Variants in LRRC53 observed in about 807,000 individuals in gnomAD.
LRRC53 encodes leucine rich repeat containing 53, also known as leucine-rich repeat-containing protein 53.
Under a neutral mutation model 13.6 loss-of-function variants are expected in LRRC53, and 25 were observed. The observed-to-expected ratio is 1.83, with a 90% CI of 1.34 to 2.56. LRRC53 has a LOEUF of 2.56. LRRC53 is among the 30% of genes most tolerant of loss of function. LRRC53 has a pLI of 0.00. For missense variants in LRRC53, 527 were observed against 275.8 expected (o/e 1.91, Z -6.45); for synonymous variants, 204 against 109.8 (o/e 1.86, Z -5.37).
At chr1:74,513,009 A>G (rs1359199238), upstream of LRRC53, among the ~76,000 whole-genome samples, 1 of 152,142 alleles carries the variant, frequency 6.6e-6, no homozygotes, top group Non-Finnish European at 1.5e-5. Context: ...TTGATAAGAC[A>G]CTTAAAGAGG....
chr1:74,518,636 C>T, the LRRC53 span, among the ~76,000 whole-genome samples: 13 of 152,116 alleles, frequency 8.5e-5, no homozygotes, highest in African/African-American at 3.1e-4. Context: ...ACTGTCAGTG[C>T]AGAGGCTTCA....
At chr1:74,508,882 CT>C (rs1302373042) in intron 1 of LRRC53, among the ~76,000 whole-genome samples, 1 of 152,118 alleles carries the variant, frequency 6.6e-6, no homozygotes, top group Non-Finnish European at 1.5e-5. Context: ...ATAATATTAC[CT>C]TGTCTGGTTT....
intron 3 of LRRC53, among the ~76,000 whole-genome samples, chr1:74,478,950 A>G (rs1668341797): frequency 6.6e-6 from 1 of 152,206 alleles, no homozygotes; most frequent in East Asian, 1.9e-4. Flanking sequence ...ATTTCCTTCC[A>G]AGTGAGTTGG....
intron 4 of LRRC53, among the ~76,000 whole-genome samples, chr1:74,473,686 A>T (rs1192975269): frequency 6.6e-6 from 1 of 152,042 alleles, no homozygotes; most frequent in Non-Finnish European, 1.5e-5. Context: ...ATCTAATTCC[A>T]ATCTAAGATC....
the LRRC53 span, among the ~76,000 whole-genome samples, chr1:74,522,234 AAGAG>A: frequency 1.3e-5 from 2 of 152,202 alleles, no homozygotes; most frequent in Non-Finnish European, 2.9e-5. Flanking sequence ...AGGGGCTTCA[AAGAG>A]AGACATTTAG....
At chr1:74,478,125 A>C (rs1203871947) in intron 3 of LRRC53, among the ~76,000 whole-genome samples, 1 of 152,206 alleles carries the variant, frequency 6.6e-6, no homozygotes, top group African/African-American at 2.4e-5. Context: ...TTTTCCCACA[A>C]TCTAGAAGTA....
intron 3 of LRRC53, among the ~76,000 whole-genome samples, chr1:74,479,857 G>A (rs1249497788): frequency 6.6e-6 from 1 of 152,174 alleles, no homozygotes; most frequent in Non-Finnish European, 1.5e-5. Context: ...TTATACACAA[G>A]GAAACTAAAG....
chr1:74,505,218 G>C (rs1013010462), intron 1 of LRRC53, among the ~76,000 whole-genome samples: 2 of 152,216 alleles, frequency 1.3e-5, no homozygotes, highest in African/African-American at 4.8e-5. Context: ...TTTTGAGACT[G>C]CTTCTGCTGT....
the LRRC53 span, among the ~76,000 whole-genome samples, chr1:74,532,960 C>T: frequency 6.6e-6 from 1 of 152,124 alleles, no homozygotes; most frequent in South Asian, 2.1e-4. Context: ...ACCATAAAAG[C>T]CCTAGAATAA....
chr1:74,527,499 C>G, the LRRC53 span, among the ~76,000 whole-genome samples: 1 of 152,128 alleles, frequency 6.6e-6, no homozygotes, highest in East Asian at 1.9e-4. Context: ...AGCTAAAAAG[C>G]AGATGTGGGA....
At chr1:74,527,046 C>T in the LRRC53 span, among the ~76,000 whole-genome samples, 9 of 152,200 alleles carry the variant, frequency 5.9e-5, no homozygotes, top group African/African-American at 1.9e-4. Context: ...CCTGCCTGCT[C>T]TAAAAGCATA....
chr1:74,523,262 A>C, the LRRC53 span, among the ~76,000 whole-genome samples: 1 of 152,208 alleles, frequency 6.6e-6, no homozygotes, highest in Non-Finnish European at 1.5e-5. Flanking sequence ...ATTTCAAAAA[A>C]CACATCTATA....
rs1205111574 is a variant in LRRC53, at chr1:74,480,234, T to G, written c.823A>C (p.Asn275His). 1 of 717,506 alleles carries G rather than the reference T, an allele frequency of 1.4e-6. No homozygotes were observed. The highest frequency in any genetic ancestry group is 1.7e-5 in the African/African-American group (1 of 57,378). 44.4% of individuals were successfully genotyped at this position (717,506 alleles called of 1,614,324 possible). The change falls in exon 3 of 5, where the codon AAC (asparagine) becomes CAC (histidine). Residue 275 changes from asparagine to histidine, a missense_variant. Physicochemically the swap from Asn to His is moderately conservative, Grantham distance 68. Coordinates refer to ENST00000294635, the MANE Select transcript of LRRC53 (RefSeq NM_001382280.1). ...CTGTCCTTTAGAACCAGAGTGAAGT[T>G]GGGAGCTTTGGAATCACAGTTGGTC... ...SETNCDSKAPNFTLVLKDRSP... is the reference protein window; with the variant it reads ...SETNCDSKAPHFTLVLKDRSP...
upstream of LRRC53, among the ~76,000 whole-genome samples, chr1:74,514,551 A>G (rs1646321078): frequency 6.6e-6 from 1 of 152,222 alleles, no homozygotes; most frequent in Non-Finnish European, 1.5e-5. Flanking sequence ...TTATTAATAT[A>G]ATATCCCCAA....
chr1:74,523,894 A>T, the LRRC53 span, among the ~76,000 whole-genome samples: 1 of 152,118 alleles, frequency 6.6e-6, no homozygotes, highest in Non-Finnish European at 1.5e-5. Context: ...CATCTACATT[A>T]AACATTTCTC....
chr1:74,513,383 A>C (rs79790735), upstream of LRRC53, among the ~76,000 whole-genome samples: 590 of 152,312 alleles, frequency 3.9e-3, 5 homozygotes, highest in African/African-American at 0.014. Flanking sequence ...TGGTAGTAGG[A>C]GTTGAGAACC....
Position 74,470,094 on chromosome 1 carries a change from T to C in LRRC53, c.3528A>G (p.Gln1176=). 2.5e-6 allele frequency: 1 copy of C among 400,736 alleles called. No homozygotes were observed. Among genetic ancestry groups the C allele is most frequent in the Non-Finnish European group, 4.4e-6 (1 of 226,174 alleles). The allele number at this position is 400,736 out of a possible 1,614,324, so 24.8% of individuals were successfully genotyped here. ...VHNFREVQNI[Q]PDKDSAHKEG... The stretch of plus-strand genomic sequence containing the variant: ...CTTTATGTGCACTATCTTTATCTGG[T>C]TGAATATTTTGAACTTCTCTAAAAT... The change falls in exon 5 of 5, where the codon CAA becomes CAG. Residue 1176 remains glutamine, a synonymous_variant. Transcript: ENST00000294635.
At chr1:74,533,890 A>T in the LRRC53 span, among the ~76,000 whole-genome samples, 2 of 152,132 alleles carry the variant, frequency 1.3e-5, no homozygotes, top group Non-Finnish European at 1.5e-5. Flanking sequence ...TATTAAATGG[A>T]GTGTGTTTTA....
intron 1 of LRRC53, among the ~76,000 whole-genome samples, chr1:74,507,320 A>G (rs1429134173): frequency 6.6e-6 from 1 of 150,984 alleles, no homozygotes; most frequent in African/African-American, 2.4e-5. Flanking sequence ...TGTCCTAAAT[A>G]CCCTCAACTA....
Sources: allele counts gnomAD v4.1 joint callset (sites outside exome capture counted in the v4.1 genomes callset), GRCh38; gene constraint gnomAD v4.1.1; transcripts MANE v1.5; gene names NCBI Gene and HGNC (gene_info 2026-07-23, HGNC 2026-07-21).